The following GALNT18 variants were observed in gnomAD, a reference collection of about 807,000 sequenced individuals.
GALNT18 encodes the protein GalNAc-transferase 18.
GALNT18 carries 44 observed loss-of-function variants against 69.5 expected under a neutral mutation model. That is an observed-to-expected ratio of 0.63 (90% CI 0.50 to 0.81). GALNT18 has a LOEUF of 0.81. Among genes scored for constraint, GALNT18 ranks in the 40% least tolerant of loss-of-function variants. GALNT18 has a pLI of 0.00. For missense variants in GALNT18, 715 were observed against 810.0 expected (o/e 0.88, Z 1.42); for synonymous variants, 364 against 318.2 (o/e 1.14, Z -1.53).
In GALNT18 at chr11:11,377,106, A is replaced by G. The variant is rs1262097840; in HGVS notation, c.977+76T>C. 16 of 1,392,774 alleles carry G rather than the reference A, an allele frequency of 1.1e-5. No homozygotes were observed. The highest frequency in any genetic ancestry group is 1.7e-5 in the Admixed American group (1 of 57,232). The allele number at this position is 1,392,774 out of a possible 1,614,324, so 86.3% of individuals were successfully genotyped here. ...CCCACGATGGGGCTCAAGTTGGAGA[A>G]TAAGCATTGGACCAGTAGGCGGTCC... On this transcript the variant is annotated intron_variant, in intron 5 of 10. Coordinates refer to ENST00000227756, the MANE Select transcript of GALNT18 (RefSeq NM_198516.3). This position sits in a 1 kb window ranked among gnomAD's most constrained non-coding sequence, Gnocchi z 4.6.
At chr11:11,366,891 A>T (rs2133089214) in intron 6 of GALNT18, among the ~76,000 whole-genome samples, 1 of 152,286 alleles carries the variant, frequency 6.6e-6, no homozygotes, top group South Asian at 2.1e-4. Context: ...AACCTAGGAG[A>T]GGGGATGAAA....
At chr11:11,391,268 T>C (rs1258571205) in intron 3 of GALNT18, among the ~76,000 whole-genome samples, 1 of 152,246 alleles carries the variant, frequency 6.6e-6, no homozygotes, top group Non-Finnish European at 1.5e-5. Flanking sequence ...GATTTCTATG[T>C]GCAAGGTACT....
At chr11:11,517,669 A>G (rs1857310516) in intron 1 of GALNT18, among the ~76,000 whole-genome samples, 2 of 151,938 alleles carry the variant, frequency 1.3e-5, no homozygotes, top group South Asian at 4.2e-4. Context: ...CCCTTGCGAG[A>G]CTAGCTACAT....
chr11:11,316,211 G>T (rs1849750251), intron 9 of GALNT18, among the ~76,000 whole-genome samples: 1 of 152,120 alleles, frequency 6.6e-6, no homozygotes. Flanking sequence ...GAGGGCACAA[G>T]AAATCAACTC....
chr11:11,318,540 C>G lies in GALNT18; in HGVS notation c.1512+8546G>C, dbSNP rs1281613534. On this transcript the variant is annotated intron_variant, in intron 9 of 10. Coordinates refer to ENST00000227756, the MANE Select transcript of GALNT18 (RefSeq NM_198516.3). The surrounding 1 kb of genome is among the most constrained non-coding windows in gnomAD (Gnocchi z 5.1). ...AGCTTGGCCCTGCTGAGACCGATCT[C>G]GAACTTCTAGGCTTCAGAATTGTGA... 1.3e-5 allele frequency among the ~76,000 whole-genome samples: 2 copies of G among 152,122 alleles called. No homozygotes were observed. The highest frequency in any genetic ancestry group is 2.9e-5 in the Non-Finnish European group (2 of 68,014).
chr11:11,490,519 T>C (rs567951594), intron 1 of GALNT18, among the ~76,000 whole-genome samples: 20 of 152,278 alleles, frequency 1.3e-4, no homozygotes, highest in African/African-American at 3.9e-4. Flanking sequence ...TAACAGTATA[T>C]AATACATGCC....
intron 2 of GALNT18, among the ~76,000 whole-genome samples, chr11:11,446,132 T>G (rs948074231): frequency 1.3e-5 from 2 of 152,130 alleles, no homozygotes; most frequent in African/African-American, 4.8e-5. Context: ...TATCTGACTG[T>G]GTGACCTCAG....
intron 6 of GALNT18, among the ~76,000 whole-genome samples, chr11:11,355,857 C>T (rs529055370): frequency 3.3e-4 from 51 of 152,278 alleles, no homozygotes; most frequent in African/African-American, 1.2e-3. Context: ...CTTTCCCAAA[C>T]TAGACAGACA....
Position 11,332,928 on chromosome 11 carries a change from C to G in GALNT18, c.1279-97G>C. On this transcript the variant is annotated intron_variant, in intron 7 of 10. Coordinates refer to ENST00000227756, the MANE Select transcript of GALNT18 (RefSeq NM_198516.3). This position sits in a 1 kb window ranked among gnomAD's most constrained non-coding sequence, Gnocchi z 4.3. ...ATGACCTTGTGCCCCCAACAAGATT[C>G]CTAGAGACTGGGGAAGGGACCATGT... 1 of 1,372,462 alleles carries G rather than the reference C, an allele frequency of 7.3e-7. No homozygotes were observed. Among genetic ancestry groups the G allele is most frequent in the Admixed American group, 1.7e-5 (1 of 57,898 alleles). 85.0% of individuals were successfully genotyped at this position (1,372,462 alleles called of 1,614,324 possible).
intron 3 of GALNT18, among the ~76,000 whole-genome samples, chr11:11,390,896 C>G (rs1854175358): frequency 6.6e-6 from 1 of 152,212 alleles, no homozygotes; most frequent in Non-Finnish European, 1.5e-5. Context: ...GGGCACAAGA[C>G]TTAAACTCTC....
chr11:11,272,910 C>G (rs1183678684), intron 10 of GALNT18, among the ~76,000 whole-genome samples: 1 of 152,156 alleles, frequency 6.6e-6, no homozygotes, highest in Non-Finnish European at 1.5e-5. Flanking sequence ...ACGGACATCT[C>G]AAGAGAGTGT....
In GALNT18 at chr11:11,352,300, C is replaced by A. The variant is rs567625743; in HGVS notation, c.1093-11296G>T. ...TCCCATCGCTTTCGAGAGTGTCTGC[C>A]CAAGATATCATTGAAACGTGGATCT... On this transcript the variant is annotated intron_variant, in intron 6 of 10. Transcript: ENST00000227756. 3.3e-3 allele frequency: 5,292 copies of A among 1,614,028 alleles called. 9 individuals carry two copies. Among genetic ancestry groups the A allele is most frequent in the Non-Finnish European group, 4.2e-3 (4,952 of 1,179,990 alleles).
chr11:11,282,946 G>A (rs545370062), intron 10 of GALNT18, among the ~76,000 whole-genome samples: 1 of 152,164 alleles, frequency 6.6e-6, no homozygotes, highest in South Asian at 2.1e-4. Context: ...TCGGGGTGGT[G>A]GAGAGCTGGA....
At chr11:11,288,462 C>T (rs1849235985) in intron 10 of GALNT18, among the ~76,000 whole-genome samples, 1 of 152,170 alleles carries the variant, frequency 6.6e-6, no homozygotes, top group Non-Finnish European at 1.5e-5. Flanking sequence ...CCCAGGCTCT[C>T]AGAACACAGC....
chr11:11,458,504 T>C (rs1855970658), intron 1 of GALNT18, among the ~76,000 whole-genome samples: 1 of 152,226 alleles, frequency 6.6e-6, no homozygotes, highest in African/African-American at 2.4e-5. Context: ...ACATTTCTCT[T>C]GTCGGCTTTC....
intron 10 of GALNT18, among the ~76,000 whole-genome samples, chr11:11,281,818 G>A (rs908154293): frequency 1.8e-4 from 27 of 152,202 alleles, no homozygotes; most frequent in African/African-American, 6.3e-4. Context: ...AGTGGGGTTG[G>A]GGGAGGCGGG....
At position 11,538,575 on chromosome 11, in the gene GALNT18, C is replaced by T. The variant is rs974285793; in HGVS notation, c.235+82784G>A. Among the ~76,000 whole-genome samples the T allele has an allele frequency of 2.6e-5, 4 of 152,170 alleles. No homozygotes were observed. Among genetic ancestry groups the T allele is most frequent in the Admixed American group, 6.5e-5 (1 of 15,284 alleles). The stretch of plus-strand genomic sequence containing the variant: ...AACAACCCGATAGCCCTGGAGCTCG[C>T]GGCACTCCTCTCAGGGGCCTCGTCA... On this transcript the variant is annotated intron_variant, in intron 1 of 10. Transcript: ENST00000227756. The surrounding 1 kb of genome is among the most constrained non-coding windows in gnomAD (Gnocchi z 5.2).
rs2133945078 is a variant in GALNT18, at chr11:11,600,783, T to G, written c.235+20576A>C. 6.6e-6 allele frequency among the ~76,000 whole-genome samples: 1 copy of G among 152,156 alleles called. No individual in the cohort carries two copies. The highest frequency in any genetic ancestry group is 1.9e-4 in the East Asian group (1 of 5,206). On this transcript the variant is annotated intron_variant, in intron 1 of 10. Coordinates refer to ENST00000227756, the MANE Select transcript of GALNT18 (RefSeq NM_198516.3). This position sits in a 1 kb window ranked among gnomAD's most constrained non-coding sequence, Gnocchi z 4.8. ...CCCATTAAACTTAACATTGCTGTATTTAATGGTGTTCCATGTTTTTCTAAA... is the reference window on the plus strand; with the variant it reads ...CCCATTAAACTTAACATTGCTGTATGTAATGGTGTTCCATGTTTTTCTAAA...
At chr11:11,420,382 G>T (rs1025826221) in intron 3 of GALNT18, among the ~76,000 whole-genome samples, 1 of 152,140 alleles carries the variant, frequency 6.6e-6, no homozygotes, top group African/African-American at 2.4e-5. Context: ...GCAGCAGCTG[G>T]GGTGGCTACA....
Sources: gnomAD v4.1 joint callset for allele counts (sites outside exome capture counted in the v4.1 genomes callset) on GRCh38, gnomAD v4.1.1 for gene constraint, Gnocchi (gnomAD v3.1) non-coding constraint, MANE v1.5 for transcripts, NCBI Gene and HGNC (gene_info 2026-07-23, HGNC 2026-07-21) for gene names.